The following ABCC12 variants were observed in gnomAD, a reference collection of about 807,000 sequenced individuals.
ABCC12 encodes ATP binding cassette subfamily C member 12.
In ABCC12, 142 loss-of-function variants were observed where a neutral mutation model predicts 151.1. The ratio of observed to expected loss-of-function variants is 0.94; its 90% CI spans 0.82 to 1.08. The LOEUF is 1.08. ABCC12 is among the 50% of genes least tolerant of loss of function. The probability of loss-of-function intolerance (pLI) is 0.00; values close to 1 mark genes in which losing one functional copy is unlikely to be tolerated. For missense variants in ABCC12, 1,638 were observed against 1,691.1 expected (o/e 0.97, Z 0.55); for synonymous variants, 645 against 646.4 (o/e 1.00, Z 0.03).
rs750917297 is a variant in ABCC12, at chr16:48,091,104, T to G, written c.3285+16A>C. On this transcript the variant is annotated intron_variant, in intron 25 of 30. Transcript: ENST00000311303. ...AAATTAACTTGTCCCTCCTCTCTGA[T>G]GCACTAATTTCTTACCGAAATGTAT... is the stretch of plus-strand genomic sequence containing the variant. 2 of 1,613,142 alleles carry G rather than the reference T, an allele frequency of 1.2e-6. No individual in the cohort carries two copies. Among genetic ancestry groups the G allele is most frequent in the Non-Finnish European group, 1.7e-6 (2 of 1,179,046 alleles).
At chr16:48,106,025 C>T (rs1963481267) in intron 20 of ABCC12, among the ~76,000 whole-genome samples, 1 of 152,208 alleles carries the variant, frequency 6.6e-6, no homozygotes, top group Non-Finnish European at 1.5e-5. Flanking sequence ...GAGGAGAGGG[C>T]ATCTCCTTGC....
At chr16:48,094,091 G>A (rs1393709767) in intron 24 of ABCC12, among the ~76,000 whole-genome samples, 6 of 152,148 alleles carry the variant, frequency 3.9e-5, no homozygotes, top group Admixed American at 2.0e-4. Context: ...TGATAATATC[G>A]CCCAAAAGCA....
chr16:48,109,588 C>T (rs534875789), intron 18 of ABCC12, among the ~76,000 whole-genome samples: 6 of 152,358 alleles, frequency 3.9e-5, no homozygotes, highest in East Asian at 1.9e-4. Flanking sequence ...AAAGCTTTCA[C>T]GCCTCAAAGG....
In ABCC12 at chr16:48,139,089, C is replaced by T. The variant is rs773037815; in HGVS notation, c.831+74G>A. On this transcript the variant is annotated intron_variant, in intron 7 of 30. Coordinates refer to ENST00000311303, the MANE Select transcript of ABCC12 (RefSeq NM_001393797.1). ...CAGGCTTCATGCGCCAGAAATGCAG[C>T]CTTCCACCCAATTCAGTGAAAGTGT... 27 of 1,473,774 alleles carry T rather than the reference C, an allele frequency of 1.8e-5. 2 individuals are homozygous for T. The South Asian group carries it at 3.8e-4, about 21-fold the overall frequency. The allele number at this position is 1,473,774 out of a possible 1,614,324, so 91.3% of individuals were successfully genotyped here.
intron 11 of ABCC12, among the ~76,000 whole-genome samples, chr16:48,124,616 GC>G (rs1964181193): frequency 6.6e-6 from 1 of 152,202 alleles, no homozygotes; most frequent in African/African-American, 2.4e-5. Flanking sequence ...GCTATTCTGT[GC>G]CCAGACTCCA....
Position 48,111,517 on chromosome 16 carries a change from G to A in ABCC12, c.2210-10C>T. 1 of 1,614,164 alleles carries A rather than the reference G, an allele frequency of 6.2e-7. No individual in the cohort carries two copies. Among genetic ancestry groups the A allele is most frequent in the Non-Finnish European group, 8.5e-7 (1 of 1,180,036 alleles). On this transcript the variant is annotated splice_polypyrimidine_tract_variant and intron_variant, in intron 17 of 30. Transcript: ENST00000311303. ...TTTCCTGGAGCCAAAACTAGGGTGA[G>A]AAATAAAGAGAGATCTGTGTCCATT... is the stretch of plus-strand genomic sequence containing the variant.
rs144805985 is a variant in ABCC12, at chr16:48,142,145, C to T, written c.276-792G>A. Among the ~76,000 whole-genome samples, 4 of 152,156 alleles carry T rather than the reference C, an allele frequency of 2.6e-5. No individual in the cohort carries two copies. The South Asian group carries it at 6.2e-4, about 24-fold the overall frequency. On this transcript the variant is annotated intron_variant, in intron 4 of 30. Coordinates refer to ENST00000311303, the MANE Select transcript of ABCC12 (RefSeq NM_001393797.1). ...CCAACTGTGTGAATATTTACAGAGA[C>T]GGAGATGGGAAAAAGCAGAAGAGGA... is the stretch of plus-strand genomic sequence containing the variant.
In ABCC12 at chr16:48,121,638, A is replaced by G. The variant is rs1597315768; in HGVS notation, c.1712+78T>C. The G allele has an allele frequency of 4.5e-6, 7 of 1,562,278 alleles. 1 individual carries two copies. In the East Asian group the frequency reaches 6.8e-5, roughly 15 times the overall value. On this transcript the variant is annotated intron_variant, in intron 13 of 30. Transcript: ENST00000311303. ...TAAACTCAGAACCCACTTAGCAGTC[A>G]TTACCAACAGCATCAGCATCTGTAG...
chr16:48,116,578 AGG>A (rs1403344814), intron 14 of ABCC12, among the ~76,000 whole-genome samples: 1 of 152,150 alleles, frequency 6.6e-6, no homozygotes, highest in Non-Finnish European at 1.5e-5. Flanking sequence ...AGGGTGAACC[AGG>A]GCTGCAGTGT....
In ABCC12 at chr16:48,133,706, C is replaced by T. The variant is rs374228610; in HGVS notation, c.1109G>A (p.Arg370His). The part of the protein sequence containing the change: ...LTLSCHILLR[R>H]KLTAPVAFSV... ...TCTTACCACGGGTGCGGTGAGTTTGCGTCTCAGGAGGATGTGGCAGGATAA... is the reference window on the plus strand; with the variant it reads ...TCTTACCACGGGTGCGGTGAGTTTGTGTCTCAGGAGGATGTGGCAGGATAA... The change falls in exon 9 of 31, where the codon CGC (arginine) becomes CAC (histidine). Residue 370 changes from arginine to histidine, a missense_variant. By Grantham distance (29) the Arg-to-His change is conservative (BLOSUM62 0). Transcript: ENST00000311303. 9 of 1,613,914 alleles carry T rather than the reference C, an allele frequency of 5.6e-6. No individual in the cohort carries two copies. The highest frequency in any genetic ancestry group is 2.2e-5 in the East Asian group (1 of 44,862).
chr16:48,082,578 C>T lies in ABCC12; in HGVS notation c.*1137G>A, dbSNP rs1005094582. 1.3e-5 allele frequency among the ~76,000 whole-genome samples: 2 copies of T among 152,190 alleles called. No homozygotes were observed. The highest frequency in any genetic ancestry group is 2.9e-5 in the Non-Finnish European group (2 of 68,030). ...CAGGTGCCAGGCACTCCTTCCTCCACGTCTGGGGAAGCAAGTACGTGACCA... is the reference window on the plus strand; with the variant it reads ...CAGGTGCCAGGCACTCCTTCCTCCATGTCTGGGGAAGCAAGTACGTGACCA... On this transcript the variant is annotated 3_prime_UTR_variant, in exon 31 of 31. Transcript: ENST00000311303.
rs771290364 is a variant in ABCC12 at position 48,083,809 on chromosome 16, T to C, written c.3994-8A>G. The C allele has an allele frequency of 1.2e-6, 2 of 1,614,058 alleles. No homozygotes were observed. The highest frequency in any genetic ancestry group is 2.2e-5 in the South Asian group (2 of 91,068). On this transcript the variant is annotated splice_region_variant and splice_polypyrimidine_tract_variant and intron_variant, in intron 30 of 30. Transcript: ENST00000311303. ...CTTGTCAAACTCAATCACCTGAAAG[T>C]CAGAGAAGAAGAACTGAAATCATCG... is the stretch of plus-strand genomic sequence containing the variant.
At chr16:48,120,277 C>G (rs138262781) in intron 13 of ABCC12, among the ~76,000 whole-genome samples, 4 of 152,232 alleles carry the variant, frequency 2.6e-5, no homozygotes, top group Admixed American at 2.6e-4. Flanking sequence ...TGGGTATGCA[C>G]AGACATAAAG....
rs377304827 is a variant in ABCC12, at chr16:48,115,438, C to T, written c.1966G>A (p.Val656Ile). ...ACCTGTAGCTGGTGGGTCACCAGGACGACTGTCTTTCCCCTGAGCGTCTTC... is the reference window on the plus strand; with the variant it reads ...ACCTGTAGCTGGTGGGTCACCAGGATGACTGTCTTTCCCCTGAGCGTCTTC... ...IKKTLRGKTV[V>I]LVTHQLQFLE... Residue 656 changes from valine to isoleucine, a missense_variant, in exon 15 of 31, where the codon GTC (valine) becomes ATC (isoleucine). Coordinates refer to ENST00000311303, the MANE Select transcript of ABCC12 (RefSeq NM_001393797.1). The T allele has an allele frequency of 1.4e-4, 225 of 1,614,020 alleles. No homozygotes were observed. The highest frequency in any genetic ancestry group is 1.7e-4 in the Middle Eastern group (1 of 6,060).
At chr16:48,098,328 A>G (rs1226085794) in intron 23 of ABCC12, among the ~76,000 whole-genome samples, 1 of 152,168 alleles carries the variant, frequency 6.6e-6, no homozygotes, top group Non-Finnish European at 1.5e-5. Flanking sequence ...TACTGGGGGA[A>G]AAATGAAAAC....
intron 22 of ABCC12, among the ~76,000 whole-genome samples, chr16:48,102,367 C>T (rs1203508262): frequency 6.6e-6 from 1 of 152,214 alleles, no homozygotes; most frequent in Non-Finnish European, 1.5e-5. Context: ...TGTAACTGAG[C>T]TTTGAGCCCC....
At chr16:48,133,612 G>T in intron 9 of ABCC12, 75 bp downstream of exon 9, 1 of 1,548,888 alleles carries the variant, frequency 6.5e-7, no homozygotes, top group South Asian at 1.2e-5. Context: ...ATTGAGCGAC[G>T]GTAGGAAGGG....
chr16:48,138,260 G>A lies in ABCC12; in HGVS notation c.947C>T (p.Ala316Val), dbSNP rs536973066. 72 of 1,611,488 alleles carry A rather than the reference G, an allele frequency of 4.5e-5. No individual in the cohort carries two copies. In the South Asian group the frequency reaches 7.5e-4, roughly 17 times the overall value. Reference sequence around the variant, plus strand: ...AGTGTTGGTAAAAGATTTCTCCCAGGCATACATTTTGATCAGCCTGATGCA... The same window carrying A: ...AGTGTTGGTAAAAGATTTCTCCCAGACATACATTTTGATCAGCCTGATGCA... ...LTCIRLIKMYAWEKSFTNTIQ... is the reference protein window; with the variant it reads ...LTCIRLIKMYVWEKSFTNTIQ... The change falls in exon 8 of 31, where the codon GCC (alanine) becomes GTC (valine). Residue 316 changes from alanine to valine, a missense_variant. Physicochemically the swap from Ala to Val is moderately conservative, Grantham distance 64. Transcript: ENST00000311303.
At chr16:48,095,923 C>T (rs1029167652) in intron 24 of ABCC12, among the ~76,000 whole-genome samples, 1 of 152,120 alleles carries the variant, frequency 6.6e-6, no homozygotes, top group Non-Finnish European at 1.5e-5. Flanking sequence ...TAACAAGATT[C>T]AAACAAACAT....
Sources: gnomAD v4.1 joint callset for allele counts (sites outside exome capture counted in the v4.1 genomes callset) on GRCh38, gnomAD v4.1.1 for gene constraint, MANE v1.5 for transcripts, NCBI Gene and HGNC (gene_info 2026-07-23, HGNC 2026-07-21) for gene names.